The following ADAM19 variants were observed in gnomAD, a reference collection of about 807,000 sequenced individuals.
The protein encoded by ADAM19 is disintegrin and metalloproteinase domain-containing protein 19.
A neutral mutation model predicts 114.7 loss-of-function variants in ADAM19; 65 were observed. The ratio of observed to expected loss-of-function variants is 0.57; its 90% CI spans 0.46 to 0.70. The LOEUF (loss-of-function observed/expected upper bound fraction) is 0.70, where lower values mean the gene tolerates loss of function less well. Ranked by LOEUF, ADAM19 falls within the 30% of genes least tolerant of loss-of-function variation. The pLI, the probability that ADAM19 is intolerant of heterozygous loss-of-function variation, is 0.00. For missense variants in ADAM19, 1,063 were observed against 1,204.7 expected (o/e 0.88, Z 1.74); for synonymous variants, 466 against 460.5 (o/e 1.01, Z -0.15).
chr5:157,502,640 C>G (rs1206752668), intron 12 of ADAM19, among the ~76,000 whole-genome samples, 163 bp downstream of exon 12: 4 of 152,198 alleles, frequency 2.6e-5, no homozygotes, highest in African/African-American at 9.7e-5. Context: ...ACAAACACTC[C>G]AACTGGAAGG....
In ADAM19 at chr5:157,480,181, G is replaced by T; in HGVS notation, c.*768C>A. On this transcript the variant is annotated 3_prime_UTR_variant, in exon 23 of 23. Transcript: ENST00000257527. ...AAGCGTGGGGCACCAGGAAAGTGCG[G>T]CAGAGAAAACAAAGAGCAACTAAAA... 5 of 986,186 alleles carry T rather than the reference G, an allele frequency of 5.1e-6. No homozygotes were observed. Among genetic ancestry groups the T allele is most frequent in the Non-Finnish European group, 6.0e-6 (5 of 830,096 alleles). The allele number at this position is 986,186 out of a possible 1,614,324, so 61.1% of individuals were successfully genotyped here. A position where few individuals can be genotyped will look rare whatever the true frequency, so the allele number is the denominator to read the frequency against.
intron 1 of ADAM19, among the ~76,000 whole-genome samples, chr5:157,574,596 T>C (rs1757921689): frequency 6.6e-6 from 1 of 152,020 alleles, no homozygotes; most frequent in Non-Finnish European, 1.5e-5. Context: ...TGACTGTTGG[T>C]CCCCCAAGCA....
chr5:157,489,102 C>A lies in ADAM19; in HGVS notation c.2325G>T (p.Lys775Asn). The A allele has an allele frequency of 6.2e-7, 1 of 1,613,714 alleles. No homozygotes were observed. Among genetic ancestry groups the A allele is most frequent in the Non-Finnish European group, 8.5e-7 (1 of 1,179,654 alleles). Residue 775 changes from lysine to asparagine, a missense_variant and splice_region_variant, in exon 20 of 23, where the codon AAG becomes AAT. By Grantham distance (94) the Lys-to-Asn change is moderately conservative. This residue lies in a region of ADAM19 where 424 missense variants were observed against 445.5 expected (regional missense o/e 0.95). Coordinates refer to ENST00000257527, the MANE Select transcript of ADAM19 (RefSeq NM_033274.5). Reference sequence around the variant, plus strand: ...AAGTTCAGTGGTGCAAAGCTCTTACCTTTCGCTTGCCCTGGGGCGTCTGCA... The same window carrying A: ...AAGTTCAGTGGTGCAAAGCTCTTACATTTCGCTTGCCCTGGGGCGTCTGCA... ...FKLQTPQGKR[K>N]VINTPEILRK...
Position 157,488,409 on chromosome 5 carries a change from G to T in ADAM19, c.2406C>A (p.Ser802=), listed in dbSNP as rs544727011. The change falls in exon 21 of 23, where the codon TCC becomes TCA. Residue 802 remains serine (S), a synonymous_variant. Coordinates refer to ENST00000257527, the MANE Select transcript of ADAM19 (RefSeq NM_033274.5). ...GGTGAGCTGGCAGTGGTGCAGGTGG[G>T]GACCCACCACGCAGATAATCTGGAG... ...RPPPDYLRGG[S]PPAPLPAHLS... is the part of the protein sequence containing the mutation. 1.1e-5 allele frequency: 18 copies of T among 1,613,960 alleles called. No individual in the cohort carries two copies. The South Asian group carries it at 2.0e-4, about 18-fold the overall frequency.
chr5:157,515,392 G>A (rs1756061908), intron 7 of ADAM19, among the ~76,000 whole-genome samples: 1 of 152,174 alleles, frequency 6.6e-6, no homozygotes. Flanking sequence ...ATAATTTAAG[G>A]AGCGAATTCT....
intron 8 of ADAM19, among the ~76,000 whole-genome samples, chr5:157,511,964 G>C (rs1346218930): frequency 6.6e-6 from 1 of 152,186 alleles, no homozygotes; most frequent in Non-Finnish European, 1.5e-5. Flanking sequence ...ACCCCACAGA[G>C]GGGATACCCA....
chr5:157,530,483 C>G (rs542039367), intron 5 of ADAM19, among the ~76,000 whole-genome samples: 88 of 152,346 alleles, frequency 5.8e-4, no homozygotes, highest in African/African-American at 2.1e-3. Context: ...CCCCATGGCA[C>G]AGCCGGGCCC....
At chr5:157,518,449 A>T (rs1160821063) in intron 7 of ADAM19, among the ~76,000 whole-genome samples, 1 of 152,140 alleles carries the variant, frequency 6.6e-6, no homozygotes, top group Non-Finnish European at 1.5e-5. Context: ...CAGTGGCATG[A>T]TCTCAGCTCA....
At chr5:157,531,282 T>C (rs11134799) in intron 4 of ADAM19, among the ~76,000 whole-genome samples, 12,754 of 152,244 alleles carry the variant, frequency 0.084, 651 homozygotes, top group Middle Eastern at 0.17. Flanking sequence ...CCCCCTGCAA[T>C]GAGTTGAATA....
chr5:157,512,515 C>G (rs1488329299), intron 8 of ADAM19, among the ~76,000 whole-genome samples: 1 of 152,136 alleles, frequency 6.6e-6, no homozygotes, highest in East Asian at 1.9e-4. Context: ...TGAAAAACTA[C>G]TTTTAAAAAC....
chr5:157,532,881 C>T (rs1166062868), intron 4 of ADAM19, among the ~76,000 whole-genome samples: 1 of 152,250 alleles, frequency 6.6e-6, no homozygotes, highest in Non-Finnish European at 1.5e-5. Flanking sequence ...CCACAACTCT[C>T]TCTGACCTTC....
intron 5 of ADAM19, among the ~76,000 whole-genome samples, chr5:157,527,362 C>T (rs1756495635): frequency 6.6e-6 from 1 of 152,170 alleles, no homozygotes; most frequent in Non-Finnish European, 1.5e-5. Flanking sequence ...AGGTGCCCAC[C>T]ACCACGCCTG....
At chr5:157,513,343 TG>T in intron 8 of ADAM19, 90 bp downstream of exon 8, 1 of 1,298,888 alleles carries the variant, frequency 7.7e-7, no homozygotes, top group Non-Finnish European at 1.1e-6. Context: ...AGAAGATGGC[TG>T]GGGCAGCCAA....
At chr5:157,503,357 C>G (rs1035543170) in intron 11 of ADAM19, among the ~76,000 whole-genome samples, 1 of 151,836 alleles carries the variant, frequency 6.6e-6, no homozygotes, top group South Asian at 2.1e-4. Flanking sequence ...TAGCAAGAGG[C>G]GGGGAGGGAT....
At chr5:157,574,094 G>A (rs559007266) in intron 1 of ADAM19, among the ~76,000 whole-genome samples, 1 of 152,260 alleles carries the variant, frequency 6.6e-6, no homozygotes, top group South Asian at 2.1e-4. Flanking sequence ...CGCAAGACAC[G>A]AAACTGTACT....
intron 20 of ADAM19, among the ~76,000 whole-genome samples, chr5:157,488,811 C>G (rs1320244915): frequency 6.6e-6 from 1 of 152,124 alleles, no homozygotes; most frequent in Admixed American, 6.5e-5. Flanking sequence ...GCGGGTGGAT[C>G]ACGAGGTCAG....
intron 22 of ADAM19, 50 bp downstream of exon 22, chr5:157,481,741 T>G: frequency 6.4e-7 from 1 of 1,552,950 alleles, no homozygotes; most frequent in East Asian, 2.4e-5. Flanking sequence ...CCTGCCCCCC[T>G]GGAGCCCTCT....
chr5:157,549,730 A>C (rs1312249126), intron 3 of ADAM19, among the ~76,000 whole-genome samples: 1 of 152,234 alleles, frequency 6.6e-6, no homozygotes, highest in Non-Finnish European at 1.5e-5. Context: ...GAAGGTAAGA[A>C]TATCCTGTTT....
intron 6 of ADAM19, among the ~76,000 whole-genome samples, chr5:157,519,291 AT>A (rs916073892): frequency 6.6e-6 from 1 of 152,186 alleles, no homozygotes; most frequent in African/African-American, 2.4e-5. Context: ...GTCTACTCCA[AT>A]AGGGAAAGCA....
Sources: allele counts gnomAD v4.1 joint callset (sites outside exome capture counted in the v4.1 genomes callset), GRCh38; gene constraint gnomAD v4.1.1; regional missense constraint gnomAD v4.1.1; transcripts MANE v1.5; gene names NCBI Gene and HGNC (gene_info 2026-07-23, HGNC 2026-07-21).